Variants in CPED1 observed in about 807,000 individuals in gnomAD.
CPED1 encodes cadherin like and PC-esterase domain containing 1.
Under a neutral mutation model 128.2 loss-of-function variants are expected in CPED1, and 114 were observed. The ratio of observed to expected loss-of-function variants is 0.89; its 90% CI spans 0.76 to 1.04. The LOEUF is 1.04. Among genes scored for constraint, CPED1 ranks in the 50% least tolerant of loss-of-function variants. The pLI is 0.00. For synonymous variants in CPED1, 462 were observed against 426.7 expected, an observed-to-expected ratio of 1.08 and a Z score of -1.02; for missense variants, 1,211 against 1,207.1, an observed-to-expected ratio of 1.00 and a Z score of -0.05.
chr7:121,192,559 T>TA (rs943654879), intron 16 of CPED1, among the ~76,000 whole-genome samples: 4 of 152,092 alleles, frequency 2.6e-5, no homozygotes, highest in Non-Finnish European at 4.4e-5. Flanking sequence ...AACCTTAAGT[T>TA]ATTCTTTGTA....
At chr7:121,153,095 A>G (rs925465176) in intron 16 of CPED1, among the ~76,000 whole-genome samples, 1 of 152,292 alleles carries the variant, frequency 6.6e-6, no homozygotes, top group Middle Eastern at 3.4e-3. Flanking sequence ...TCCATTAAGG[A>G]TAAGGATGAG....
intron 10 of CPED1, 100 bp from the exon 11 acceptor site, chr7:121,128,282 G>T (rs1281288131): frequency 4.4e-6 from 3 of 685,282 alleles, no homozygotes; most frequent in South Asian, 1.7e-5. Context: ...GTTGTTTATA[G>T]AACTCAAAAT....
chr7:121,108,758 G>T (rs1435552768), intron 7 of CPED1, among the ~76,000 whole-genome samples: 1 of 151,976 alleles, frequency 6.6e-6, no homozygotes, highest in African/African-American at 2.4e-5. Flanking sequence ...ATGCTATACT[G>T]TCTTATGTGT....
intron 5 of CPED1, among the ~76,000 whole-genome samples, chr7:121,066,057 TTA>T (rs1793823984): frequency 2.0e-5 from 3 of 152,260 alleles, no homozygotes; most frequent in Admixed American, 2.0e-4. Context: ...AATTAAAATT[TTA>T]TTTGTTGTGA....
At chr7:121,008,086 G>A (rs554322127) in intron 2 of CPED1, among the ~76,000 whole-genome samples, 6 of 151,698 alleles carry the variant, frequency 4.0e-5, no homozygotes, top group Admixed American at 2.0e-4. Context: ...TAAAAGTCTC[G>A]CCTTCTGAAA....
intron 18 of CPED1, among the ~76,000 whole-genome samples, chr7:121,259,809 G>A (rs978965642): frequency 6.6e-6 from 1 of 151,912 alleles, no homozygotes. Context: ...GTGCAATTAA[G>A]AAAGGGAAAT....
At chr7:121,081,401 T>G (rs1478023795) in intron 5 of CPED1, among the ~76,000 whole-genome samples, 1 of 152,182 alleles carries the variant, frequency 6.6e-6, no homozygotes, top group African/African-American at 2.4e-5. Flanking sequence ...TTGGGTGTGC[T>G]CCTTTCTGGG....
Position 121,165,788 on chromosome 7 carries a change from A to G in CPED1, c.2055+23647A>G, listed in dbSNP as rs191296760. On this transcript the variant is annotated intron_variant, in intron 16 of 22. Transcript: ENST00000310396. ...TTTTTACAATTCAGAGAAAGACAAT[A>G]TATTTTAAGATTGGAACTGATAAAG... 3.9e-5 allele frequency among the ~76,000 whole-genome samples: 6 copies of G among 152,312 alleles called. No individual in the cohort carries two copies. In the East Asian group the frequency reaches 7.7e-4, roughly 20 times the overall value.
At chr7:121,051,021 A>G (rs1360908451) in intron 4 of CPED1, 14 of 540,234 alleles carry the variant, frequency 2.6e-5, no homozygotes, top group Non-Finnish European at 4.5e-5. Flanking sequence ...TGAAAAAGGC[A>G]GCAGCGAAGG....
At chr7:121,140,011 T>G (rs1357893289) in intron 14 of CPED1, among the ~76,000 whole-genome samples, 2 of 152,106 alleles carry the variant, frequency 1.3e-5, no homozygotes, top group Non-Finnish European at 2.9e-5. Flanking sequence ...AAACACTTTG[T>G]TAAGCTTTTG....
At chr7:121,188,503 G>T (rs1033039560) in intron 16 of CPED1, among the ~76,000 whole-genome samples, 2 of 151,996 alleles carry the variant, frequency 1.3e-5, no homozygotes, top group African/African-American at 2.4e-5. Flanking sequence ...ATCTTGTTTT[G>T]TTTGAACTTT....
intron 16 of CPED1, among the ~76,000 whole-genome samples, chr7:121,222,039 G>A (rs1797890459): frequency 6.6e-6 from 1 of 152,132 alleles, no homozygotes; most frequent in African/African-American, 2.4e-5. Flanking sequence ...CCATGCTTAT[G>A]TCCTGAATGG....
intron 6 of CPED1, among the ~76,000 whole-genome samples, chr7:121,098,809 T>TATATAA (rs1563024935): frequency 7.1e-6 from 1 of 141,518 alleles, no homozygotes; most frequent in African/African-American, 2.7e-5. Context: ...TATAAATATA[T>TATATAA]AAATAATATA....
In CPED1 at chr7:121,180,835, A is replaced by C. The variant is rs111567082; in HGVS notation, c.2055+38694A>C. The stretch of plus-strand genomic sequence containing the variant: ...TGGAAGGTGGTTACTTTTAAAACTA[A>C]AAGTAATGTTCTTAGTTACTTTTAG... On this transcript the variant is annotated intron_variant, in intron 16 of 22. Transcript: ENST00000310396. 4.8e-3 allele frequency among the ~76,000 whole-genome samples: 730 copies of C among 152,142 alleles called. 11 individuals carry two copies. The highest frequency in any genetic ancestry group is 0.017 in the African/African-American group (687 of 41,552).
intron 6 of CPED1, 145 bp downstream of exon 6, chr7:121,097,976 A>G: frequency 1.3e-6 from 1 of 746,860 alleles, no homozygotes; most frequent in Non-Finnish European, 2.0e-6. Flanking sequence ...CTTTTTAAAT[A>G]AAGAATGCCA....
In CPED1 at chr7:121,270,408, T is replaced by G. The variant is rs568597827; in HGVS notation, c.2722-876T>G. On this transcript the variant is annotated intron_variant, in intron 21 of 22. Coordinates refer to ENST00000310396, the MANE Select transcript of CPED1 (RefSeq NM_024913.5). The stretch of plus-strand genomic sequence containing the variant: ...GTTTAATTAGGTTCCACTTATCAAT[T>G]TTTGGTTTTGGTACAATTGTTTTTG... 3.3e-5 allele frequency among the ~76,000 whole-genome samples: 5 copies of G among 152,248 alleles called. No individual in the cohort carries two copies. In the South Asian group the frequency reaches 1.0e-3, roughly 32 times the overall value.
At chr7:121,138,983 G>A (rs1045312950) in intron 14 of CPED1, among the ~76,000 whole-genome samples, 1 of 151,960 alleles carries the variant, frequency 6.6e-6, no homozygotes, top group African/African-American at 2.4e-5. Context: ...AAAAAAGAAT[G>A]TAGTATTAAT....
In CPED1 at chr7:121,087,431, G is replaced by A. The variant is rs1481422471; in HGVS notation, c.617-10268G>A. Among the ~76,000 whole-genome samples, 3 of 152,032 alleles carry A rather than the reference G, an allele frequency of 2.0e-5. No homozygotes were observed. In the East Asian group the frequency reaches 5.8e-4, roughly 29 times the overall value. ...CTTCAAACAACATAATAAAGACTTG[G>A]TTCCCAAATTAGCCTGTATCCCTCT... On this transcript the variant is annotated intron_variant, in intron 5 of 22. Transcript: ENST00000310396.
chr7:121,127,595 G>A (rs1189885153), intron 10 of CPED1, among the ~76,000 whole-genome samples: 2 of 149,056 alleles, frequency 1.3e-5, no homozygotes, highest in African/African-American at 5.0e-5. Context: ...GAGTGCAGTG[G>A]CACGATCTTG....
Sources: allele counts gnomAD v4.1 joint callset (sites outside exome capture counted in the v4.1 genomes callset), GRCh38; gene constraint gnomAD v4.1.1; transcripts MANE v1.5; gene names NCBI Gene and HGNC (gene_info 2026-07-23, HGNC 2026-07-21).